ADCY3: variants seen among roughly 807,000 people sequenced by gnomAD.
ADCY3 encodes the protein adenylate cyclase type 3.
In ADCY3, 70 loss-of-function variants were observed where a neutral mutation model predicts 119.4. The ratio of observed to expected loss-of-function variants is 0.59; its 90% CI spans 0.48 to 0.72. ADCY3 has a LOEUF of 0.72. Ranked by LOEUF, ADCY3 falls within the 30% of genes least tolerant of loss-of-function variation. The pLI, the probability that ADCY3 is intolerant of heterozygous loss-of-function variation, is 0.00. For missense variants in ADCY3, 1,238 were observed against 1,541.6 expected (o/e 0.80, Z 3.30); for synonymous variants, 672 against 621.4 (o/e 1.08, Z -1.21).
At chr2:24,874,625 G>A (rs1201632373) in intron 2 of ADCY3, among the ~76,000 whole-genome samples, 1 of 152,172 alleles carries the variant, frequency 6.6e-6, no homozygotes, top group East Asian at 1.9e-4. Context: ...TTCTGGCCTT[G>A]CTTTTCCCCT....
At chr2:24,868,951 G>A (rs1399191610) in intron 3 of ADCY3, among the ~76,000 whole-genome samples, 2 of 152,104 alleles carry the variant, frequency 1.3e-5, no homozygotes, top group African/African-American at 2.4e-5. Context: ...GTGAACCCGG[G>A]AGGCAGAGCT....
chr2:24,879,413 A>T (rs1288788879), intron 2 of ADCY3, among the ~76,000 whole-genome samples: 2 of 139,134 alleles, frequency 1.4e-5, no homozygotes, highest in African/African-American at 5.5e-5. Flanking sequence ...AGATTGCGCC[A>T]CTGCACTGCA....
In ADCY3 at chr2:24,854,919, G is replaced by A. The variant is rs575036956; in HGVS notation, c.826-12535C>T. ...ACAAAAATTAGCAGGGCTTCGTGGC[G>A]GGCACCTGTAATACCAGCTGCTCAG... On this transcript the variant is annotated intron_variant, in intron 3 of 21. Transcript: ENST00000679454. Among the ~76,000 whole-genome samples the A allele has an allele frequency of 3.3e-5, 5 of 152,088 alleles. No homozygotes were observed. The South Asian group carries it at 6.2e-4, about 19-fold the overall frequency.
At chr2:24,904,357 C>T (rs553049583) in intron 2 of ADCY3, among the ~76,000 whole-genome samples, 2 of 152,036 alleles carry the variant, frequency 1.3e-5, no homozygotes, top group African/African-American at 4.8e-5. Flanking sequence ...TGGCGAAACC[C>T]CATCTCTACT....
chr2:24,912,368 G>T (rs1028650320), intron 2 of ADCY3, among the ~76,000 whole-genome samples: 7 of 152,120 alleles, frequency 4.6e-5, no homozygotes, highest in Admixed American at 6.5e-5. Context: ...AATTTGGTGG[G>T]GGGGCAGCCA....
intron 2 of ADCY3, among the ~76,000 whole-genome samples, chr2:24,875,255 C>A (rs1675540638): frequency 6.6e-6 from 1 of 152,224 alleles, no homozygotes; most frequent in Non-Finnish European, 1.5e-5. Context: ...GAGGAGGACC[C>A]CCTGGGGCGC....
chr2:24,914,662 T>C (rs1332631505), intron 2 of ADCY3, among the ~76,000 whole-genome samples: 2 of 128,664 alleles, frequency 1.6e-5, no homozygotes, highest in Non-Finnish European at 3.2e-5. Context: ...GAAATAAGAA[T>C]GAAACTCTGT....
chr2:24,823,492 A>ATTTTTT, intron 17 of ADCY3, 137 bp from the exon 18 acceptor site: 15 of 659,652 alleles, frequency 2.3e-5, no homozygotes, highest in Non-Finnish European at 3.4e-5. Context: ...TTATTCCAGC[A>ATTTTTT]TTTTTTTTTT....
intron 2 of ADCY3, among the ~76,000 whole-genome samples, chr2:24,892,957 C>A (rs1450342483): frequency 6.6e-6 from 1 of 152,018 alleles, no homozygotes; most frequent in East Asian, 1.9e-4. Context: ...AGCCACCACA[C>A]CTGGCCTATT....
intron 9 of ADCY3, among the ~76,000 whole-genome samples, chr2:24,835,200 C>T (rs1670145606): frequency 6.6e-6 from 1 of 152,174 alleles, no homozygotes; most frequent in Admixed American, 6.5e-5. Context: ...CCGCTAATGA[C>T]AGCATTGTAG....
At chr2:24,887,790 G>C (rs1169982601) in intron 2 of ADCY3, among the ~76,000 whole-genome samples, 3 of 152,154 alleles carry the variant, frequency 2.0e-5, no homozygotes, top group Non-Finnish European at 1.5e-5. Flanking sequence ...CCTCCCCTGC[G>C]AAATGCAAAT....
At position 24,839,927 on chromosome 2, in the gene ADCY3, A is replaced by C. The variant is rs1558435080; in HGVS notation, c.1301T>G (p.Val434Gly). The C allele has an allele frequency of 6.2e-7, 1 of 1,613,800 alleles. No individual in the cohort carries two copies. The highest frequency in any genetic ancestry group is 8.5e-7 in the Non-Finnish European group (1 of 1,180,012). The change falls in exon 7 of 22, where the codon GTG (valine) becomes GGG (glycine). Residue 434 changes from valine to glycine, a missense_variant. Val to Gly is a moderately radical substitution (Grantham distance 109). Transcript: ENST00000679454. ...VLGQKRWQYD[V>G]WSTDVTVANK... ...GGCTACAGTGACATCAGTCGACCAC[A>C]CGTCGTACTGCCAGCGCTTCTGGCC...
chr2:24,913,014 G>C (rs1251121868), intron 2 of ADCY3, among the ~76,000 whole-genome samples: 1 of 152,178 alleles, frequency 6.6e-6, no homozygotes, highest in African/African-American at 2.4e-5. Flanking sequence ...TCATTGTTCT[G>C]GTCCCTGGAC....
chr2:24,897,783 C>T (rs1173677349), intron 2 of ADCY3, among the ~76,000 whole-genome samples: 1 of 152,168 alleles, frequency 6.6e-6, no homozygotes, highest in Non-Finnish European at 1.5e-5. Flanking sequence ...GCAGGCCCTC[C>T]GTCTATGCTG....
intron 2 of ADCY3, among the ~76,000 whole-genome samples, chr2:24,892,769 A>G (rs1254665285): frequency 6.6e-6 from 1 of 152,194 alleles, no homozygotes; most frequent in East Asian, 1.9e-4. Flanking sequence ...ATCCCTGATA[A>G]TATTTCTTGT....
In ADCY3 at chr2:24,826,031, C is replaced by T. The variant is rs1191840802; in HGVS notation, c.2577+14G>A. The T allele has an allele frequency of 6.2e-7, 1 of 1,613,332 alleles. No homozygotes were observed. Among genetic ancestry groups the T allele is most frequent in the Non-Finnish European group, 8.5e-7 (1 of 1,179,364 alleles). On this transcript the variant is annotated intron_variant, in intron 16 of 21. Transcript: ENST00000679454. The stretch of plus-strand genomic sequence containing the variant: ...CTGTGGGCACAGAGCGGGGATCGTG[C>T]AGGCGGCACTCACGTGGCGGGAGAA...
chr2:24,840,626 C>T (rs1288588319), intron 6 of ADCY3: 2 of 435,016 alleles, frequency 4.6e-6, no homozygotes, highest in Non-Finnish European at 9.6e-6. Context: ...TCGGCAGGAG[C>T]TTCCCTTTCC....
In ADCY3 at chr2:24,918,303, C is replaced by T; in HGVS notation, c.675+10G>A. 1 of 1,545,248 alleles carries T rather than the reference C, an allele frequency of 6.5e-7. No homozygotes were observed. Among genetic ancestry groups the T allele is most frequent in the Non-Finnish European group, 8.7e-7 (1 of 1,146,232 alleles). On this transcript the variant is annotated intron_variant, in intron 2 of 21. Transcript: ENST00000679454. This position sits in a 1 kb window ranked among gnomAD's most constrained non-coding sequence, Gnocchi z 5.4. ...GAGGACGCTGTGGGGGGACAGTGGG[C>T]AGGACTCACCTCCCGCAGCAGCTGC...
chr2:24,891,760 A>G (rs1363934097), intron 2 of ADCY3, among the ~76,000 whole-genome samples: 1 of 152,212 alleles, frequency 6.6e-6, no homozygotes, highest in Non-Finnish European at 1.5e-5. Context: ...TTAAAGATGA[A>G]AAAGGTATTA....
Sources: gnomAD v4.1 joint callset for allele counts (sites outside exome capture counted in the v4.1 genomes callset) on GRCh38, gnomAD v4.1.1 for gene constraint, Gnocchi (gnomAD v3.1) non-coding constraint, MANE v1.5 for transcripts, NCBI Gene and HGNC (gene_info 2026-07-23, HGNC 2026-07-21) for gene names.